TCF4: variants seen among roughly 807,000 people sequenced by gnomAD.
TCF4 encodes the protein transcription factor 4.
A neutral mutation model predicts 82.1 loss-of-function variants in TCF4; 3 were observed. The observed-to-expected ratio is 0.04, with a 90% CI of 0.02 to 0.09. The LOEUF (loss-of-function observed/expected upper bound fraction) is 0.09, where lower values mean the gene tolerates loss of function less well. TCF4 is among the 10% of genes least tolerant of loss of function. TCF4 has a pLI of 1.00. For synonymous variants in TCF4, 276 were observed against 309.6 expected (o/e 0.89, Z 1.14); for missense variants, 518 against 852.7 (o/e 0.61, Z 4.89).
At chr18:55,614,980 A>G (rs760373933) in intron 2 of TCF4, among the ~76,000 whole-genome samples, 6 of 152,186 alleles carry the variant, frequency 3.9e-5, no homozygotes, top group Admixed American at 6.5e-5. Context: ...GCTTAAGGAT[A>G]TCCATCATTG....
chr18:55,480,274 T>G (rs1188920862), intron 3 of TCF4, among the ~76,000 whole-genome samples: 1 of 46,434 alleles, frequency 2.2e-5, no homozygotes, highest in Non-Finnish European at 3.8e-5. Flanking sequence ...CAGTAGGAAC[T>G]CCAAAAAAAA....
At chr18:55,529,919 A>G (rs1260989018) in intron 3 of TCF4, among the ~76,000 whole-genome samples, 1 of 152,124 alleles carries the variant, frequency 6.6e-6, no homozygotes, top group East Asian at 1.9e-4. Flanking sequence ...CCTAGAACTC[A>G]GACTTAGAAA....
In TCF4 at chr18:55,510,638, T is replaced by C. The variant is rs1376502327; in HGVS notation, c.146-46501A>G. ...TAAATTCCCCCAATATATCTGGTGA[T>C]TAAAATTCTAAAATACTACTTCGTA... is the stretch of plus-strand genomic sequence containing the variant. On this transcript the variant is annotated intron_variant, in intron 3 of 19. Coordinates refer to ENST00000354452, the MANE Select transcript of TCF4 (RefSeq NM_001083962.2). 5 of 1,513,324 alleles carry C rather than the reference T, an allele frequency of 3.3e-6. No homozygotes were observed. The African/African-American group carries it at 5.5e-5, about 17-fold the overall frequency. The allele number at this position is 1,513,324 out of a possible 1,614,324, so 93.7% of individuals were successfully genotyped here.
At chr18:55,485,553 T>C (rs1412470076) in intron 3 of TCF4, among the ~76,000 whole-genome samples, 2 of 152,194 alleles carry the variant, frequency 1.3e-5, no homozygotes, top group African/African-American at 4.8e-5. Context: ...GCATGCATCT[T>C]TGCTCTCACC....
chr18:55,336,978 T>C (rs2078777560), intron 8 of TCF4, among the ~76,000 whole-genome samples: 1 of 152,160 alleles, frequency 6.6e-6, no homozygotes, highest in Non-Finnish European at 1.5e-5. Context: ...GAAGCCCTTA[T>C]GGTGATTCTC....
intron 3 of TCF4, among the ~76,000 whole-genome samples, chr18:55,556,427 C>T (rs1221586140): frequency 6.6e-6 from 1 of 152,154 alleles, no homozygotes; most frequent in Non-Finnish European, 1.5e-5. Flanking sequence ...ATTAAATTCA[C>T]AATAGTAGAT....
Position 55,257,316 on chromosome 18 carries a change from A to G in TCF4, c.1145T>C (p.Leu382Ser). 6.2e-7 allele frequency: 1 copy of G among 1,613,606 alleles called. No homozygotes were observed. Among genetic ancestry groups the G allele is most frequent in the South Asian group, 1.1e-5 (1 of 91,076 alleles). The change falls in exon 14 of 20, where the codon TTG becomes TCG. Residue 382 changes from leucine to serine, a missense_variant and splice_region_variant. Physicochemically the swap from Leu to Ser is moderately radical, Grantham distance 145 (BLOSUM62 -2). Around this residue, in one of 7 missense-constraint regions of TCF4, gnomAD observed 211 missense variants for 327.4 expected, o/e 0.64. Transcript: ENST00000354452. Reference sequence around the variant, plus strand: ...CAGAGATTAGCAAATGAGACATACCAAAGAGTGTAAGGGTCCTTCATAATT... The same window carrying G: ...CAGAGATTAGCAAATGAGACATACCGAAGAGTGTAAGGGTCCTTCATAATT... ...SPNYEGPLHS[L>S]QSRIEDRLER... is the part of the protein sequence containing the mutation.
At chr18:55,445,374 GT>G (rs1357767352) in intron 5 of TCF4, among the ~76,000 whole-genome samples, 5 of 152,008 alleles carry the variant, frequency 3.3e-5, no homozygotes, top group Non-Finnish European at 7.4e-5. Flanking sequence ...AGAAAAGGGG[GT>G]TTAATGAACT....
chr18:55,287,663 A>G (rs2064002657), intron 8 of TCF4, among the ~76,000 whole-genome samples: 1 of 152,192 alleles, frequency 6.6e-6, no homozygotes. Flanking sequence ...CTACCAGTGC[A>G]CTCAGCCTGC....
intron 2 of TCF4, among the ~76,000 whole-genome samples, chr18:55,619,563 T>C (rs1038059238): frequency 6.6e-6 from 1 of 152,214 alleles, no homozygotes; most frequent in Admixed American, 6.5e-5. Flanking sequence ...TTTGGTTCTT[T>C]GAAAATATAT....
chr18:55,586,135 A>AGAAGGAGG (rs2097643576), intron 2 of TCF4: 3 of 1,297,788 alleles, frequency 2.3e-6, no homozygotes, highest in Non-Finnish European at 3.1e-6. Context: ...GGAGGAGGAG[A>AGAAGGAGG]AGGAGGAGGA....
intron 3 of TCF4, chr18:55,551,258 A>C (rs941496775): frequency 6.6e-6 from 1 of 152,196 alleles, no homozygotes; most frequent in East Asian, 1.9e-4. Context: ...TTTACATATT[A>C]TTCTTCAAAC....
chr18:55,358,447 T>G (rs569476534), intron 6 of TCF4, among the ~76,000 whole-genome samples: 2 of 152,312 alleles, frequency 1.3e-5, no homozygotes, highest in East Asian at 3.9e-4. Flanking sequence ...CAGCTACAAG[T>G]CACAGTGTCT....
chr18:55,610,900 G>A lies in TCF4; in HGVS notation c.286+20398C>T, dbSNP rs1360871053. Among the ~76,000 whole-genome samples, 28 of 152,188 alleles carry A rather than the reference G, an allele frequency of 1.8e-4. 2 individuals carry two copies. The highest frequency in any genetic ancestry group is 1.8e-3 in the Admixed American group (28 of 15,270). ...GTACTGAAACGCAGCAATTTTGCCA[G>A]TACAGTAGGTACTGATGCCCCTTCT... On this transcript the variant is annotated intron_variant, in intron 2 of 20. Transcript: ENST00000398339.
intron 2 of TCF4, among the ~76,000 whole-genome samples, chr18:55,629,804 A>G (rs765962070): frequency 4.6e-5 from 7 of 152,238 alleles, no homozygotes; most frequent in Non-Finnish European, 7.3e-5. Flanking sequence ...TGAACCATGC[A>G]CAATTGAAAT....
chr18:55,607,873 G>T (rs1177123534), intron 2 of TCF4, among the ~76,000 whole-genome samples: 2 of 152,158 alleles, frequency 1.3e-5, no homozygotes, highest in African/African-American at 4.8e-5. Context: ...CACACTCAAA[G>T]GTGTGGGCTG....
chr18:55,303,461 A>G (rs1469944057), intron 8 of TCF4, among the ~76,000 whole-genome samples: 2 of 152,204 alleles, frequency 1.3e-5, no homozygotes. Context: ...CTAGGGAGGA[A>G]TATCAGTCGA....
At chr18:55,634,581 G>T (rs530200730) in intron 1 of TCF4, among the ~76,000 whole-genome samples, 1 of 152,212 alleles carries the variant, frequency 6.6e-6, no homozygotes, top group Non-Finnish European at 1.5e-5. Flanking sequence ...AAGATAGTTT[G>T]GGCCATACTG....
At chr18:55,349,811 A>G (rs2144746432) in intron 8 of TCF4, among the ~76,000 whole-genome samples, 1 of 152,216 alleles carries the variant, frequency 6.6e-6, no homozygotes, top group Admixed American at 6.5e-5. Context: ...AAGACCCAGA[A>G]TGCTCTTGGT....
Sources: gnomAD v4.1 joint callset for allele counts (sites outside exome capture counted in the v4.1 genomes callset) on GRCh38, gnomAD v4.1.1 for gene constraint, gnomAD v4.1.1 regional missense constraint, MANE v1.5 for transcripts, NCBI Gene and HGNC (gene_info 2026-07-23, HGNC 2026-07-21) for gene names.